The following TOP1 variants were observed in gnomAD, a reference collection of about 807,000 sequenced individuals.
The protein encoded by TOP1 is DNA topoisomerase 1.
A neutral mutation model predicts 111.1 loss-of-function variants in TOP1; 10 were observed. The observed-to-expected ratio is 0.09, with a 90% confidence interval of 0.06 to 0.15. The LOEUF (loss-of-function observed/expected upper bound fraction) is 0.15. Ranked by LOEUF, TOP1 falls within the 10% of genes least tolerant of loss-of-function variation. The pLI is 1.00. For synonymous variants in TOP1, 271 were observed against 302.9 expected (o/e 0.89, Z 1.10); for missense variants, 474 against 926.7 (o/e 0.51, Z 6.34).
At chr20:41,064,836 T>C (rs1487692726) in intron 3 of TOP1, among the ~76,000 whole-genome samples, 1 of 152,076 alleles carries the variant, frequency 6.6e-6, no homozygotes, top group Admixed American at 6.5e-5. Flanking sequence ...GACTCTAAAG[T>C]CCCTGAAAGC....
At chr20:41,044,230 C>A (rs1161733006) in intron 2 of TOP1, among the ~76,000 whole-genome samples, 1 of 152,130 alleles carries the variant, frequency 6.6e-6, no homozygotes, top group Non-Finnish European at 1.5e-5. Flanking sequence ...GAGCCAAGAT[C>A]ATGCCATTGC....
At chr20:41,072,433 A>G in intron 3 of TOP1, 2 of 985,394 alleles carry the variant, frequency 2.0e-6, no homozygotes, top group Non-Finnish European at 2.4e-6. Context: ...AAAAAGACAT[A>G]CATGTTAGAA....
At chr20:41,044,899 G>A (rs185509252) in intron 2 of TOP1, among the ~76,000 whole-genome samples, 12 of 152,054 alleles carry the variant, frequency 7.9e-5, no homozygotes, top group African/African-American at 1.9e-4. Context: ...CAGGTGATTC[G>A]ACCCTCAGCC....
rs986496045 is a variant in TOP1 at position 41,115,854 on chromosome 20, T to C, written c.1707+415T>C. Among the ~76,000 whole-genome samples the C allele has an allele frequency of 6.6e-6, 1 of 152,154 alleles. No individual in the cohort carries two copies. The highest frequency in any genetic ancestry group is 2.4e-5 in the African/African-American group (1 of 41,434). ...TGGCTTACGCCTGTTATCCCAGCAC[T>C]TTGAGAGGTCAAGTAGGGCAGATCC... On this transcript the variant is annotated intron_variant, in intron 16 of 20. Transcript: ENST00000361337. This position sits in a 1 kb window ranked among gnomAD's most constrained non-coding sequence, Gnocchi z 6.3.
intron 2 of TOP1, among the ~76,000 whole-genome samples, chr20:41,041,769 A>G (rs2033268298): frequency 6.6e-6 from 1 of 152,216 alleles, no homozygotes; most frequent in Non-Finnish European, 1.5e-5. Flanking sequence ...CAGGTGACCC[A>G]TAACCTCCTT....
intron 2 of TOP1, among the ~76,000 whole-genome samples, chr20:41,035,699 T>C (rs997932545): frequency 3.3e-5 from 5 of 152,116 alleles, no homozygotes; most frequent in African/African-American, 1.2e-4. Context: ...GCTATTGGAG[T>C]TTATAGAAAA....
Position 41,029,795 on chromosome 20 carries a change from C to T in TOP1, c.58+340C>T. 2.6e-6 allele frequency: 1 copy of T among 390,206 alleles called. No individual in the cohort carries two copies. Among genetic ancestry groups the T allele is most frequent in the Non-Finnish European group, 4.7e-6 (1 of 210,706 alleles). The allele number at this position is 390,206 out of a possible 1,614,324, so 24.2% of individuals were successfully genotyped here. On this transcript the variant is annotated intron_variant, in intron 2 of 20. Coordinates refer to ENST00000361337, the MANE Select transcript of TOP1 (RefSeq NM_003286.4). The surrounding 1 kb of genome is among the most constrained non-coding windows in gnomAD (Gnocchi z 6.1). ...GCGCCATTTTCTTTTTCTCTCTCCT[C>T]TCCTTTCTGTGCCTGTGTCTCTTTC...
At chr20:41,056,578 C>T (rs1424859355) in intron 2 of TOP1, among the ~76,000 whole-genome samples, 1 of 152,094 alleles carries the variant, frequency 6.6e-6, no homozygotes, top group African/African-American at 2.4e-5. Flanking sequence ...AACTCCTGTG[C>T]CCAAGCAGTC....
Position 41,124,236 on chromosome 20 carries a change from A to G in TOP1, c.*939A>G. ...TGAGTATTTGGTCCAAAAAAAGGAA[A>G]AATAATCAAGATTTTAGGGCTTTTA... On this transcript the variant is annotated 3_prime_UTR_variant, in exon 21 of 21. Transcript: ENST00000361337. This position sits in a 1 kb window ranked among gnomAD's most constrained non-coding sequence, Gnocchi z 5.4. 4.3e-6 allele frequency: 1 copy of G among 233,082 alleles called. No homozygotes were observed. The highest frequency in any genetic ancestry group is 6.1e-5 in the East Asian group (1 of 16,402). The allele number at this position is 233,082 out of a possible 1,614,324, so 14.4% of individuals were successfully genotyped here. A position where few individuals can be genotyped will look rare whatever the true frequency, so the allele number is the denominator to read the frequency against.
chr20:41,118,412 T>C lies in TOP1; in HGVS notation c.1950+116T>C. On this transcript the variant is annotated intron_variant, in intron 18 of 20. Transcript: ENST00000361337. The surrounding 1 kb of genome is among the most constrained non-coding windows in gnomAD (Gnocchi z 4.6). ...TGCTGGGTCTGTTGTAGAAGGTCTA[T>C]GCTAAAGATAAACAAATGGAAATAT... The C allele has an allele frequency of 8.3e-7, 1 of 1,198,490 alleles. No individual in the cohort carries two copies. The highest frequency in any genetic ancestry group is 1.6e-5 in the South Asian group (1 of 62,828). 74.2% of individuals were successfully genotyped at this position (1,198,490 alleles called of 1,614,324 possible).
At position 41,112,410 on chromosome 20, in the gene TOP1, T is replaced by C. The variant is rs1206323553; in HGVS notation, c.1309-372T>C. 2.6e-5 allele frequency among the ~76,000 whole-genome samples: 4 copies of C among 152,220 alleles called. No individual in the cohort carries two copies. In the South Asian group the frequency reaches 6.2e-4, roughly 24 times the overall value. The stretch of plus-strand genomic sequence containing the variant: ...CAGGAACATAAACATTTTAGAGAAT[T>C]AGAGCTAGAAACTTTCTTCTGGGAA... On this transcript the variant is annotated intron_variant, in intron 13 of 20. Coordinates refer to ENST00000361337, the MANE Select transcript of TOP1 (RefSeq NM_003286.4). This position sits in a 1 kb window ranked among gnomAD's most constrained non-coding sequence, Gnocchi z 5.8.
intron 18 of TOP1, among the ~76,000 whole-genome samples, chr20:41,119,660 T>G (rs1385641554): frequency 6.6e-6 from 1 of 152,230 alleles, no homozygotes; most frequent in East Asian, 1.9e-4. Context: ...TATAGCTGGT[T>G]CAAAAGGTAC....
chr20:41,061,837 A>G lies in TOP1; in HGVS notation c.155+347A>G, dbSNP rs1461821088. ...TTGATAAAAGGTAACTGGATTGGAG[A>G]CCTGATTTTTTTTCTTCTTTCTATA... On this transcript the variant is annotated intron_variant, in intron 3 of 20. Transcript: ENST00000361337. The surrounding 1 kb of genome is among the most constrained non-coding windows in gnomAD (Gnocchi z 4.6). Among the ~76,000 whole-genome samples, 3 of 152,164 alleles carry G rather than the reference A, an allele frequency of 2.0e-5. No homozygotes were observed. The highest frequency in any genetic ancestry group is 4.4e-5 in the Non-Finnish European group (3 of 68,026).
rs922640137 is a variant in TOP1 at position 41,030,244 on chromosome 20, T to C, written c.58+789T>C. ...TTATGTTAGTCACTGGAACTTTTCATTGTGGTCGAGGTTCCCAATGCAGTG... is the reference window on the plus strand; with the variant it reads ...TTATGTTAGTCACTGGAACTTTTCACTGTGGTCGAGGTTCCCAATGCAGTG... On this transcript the variant is annotated intron_variant, in intron 2 of 20. Transcript: ENST00000361337. The surrounding 1 kb of genome is among the most constrained non-coding windows in gnomAD (Gnocchi z 4.1). 1.3e-5 allele frequency among the ~76,000 whole-genome samples: 2 copies of C among 152,240 alleles called. No homozygotes were observed. Among genetic ancestry groups the C allele is most frequent in the Admixed American group, 1.3e-4 (2 of 15,290 alleles).
In TOP1 at chr20:41,037,233, T is replaced by A. The variant is rs115976684; in HGVS notation, c.58+7778T>A. 7.8e-3 allele frequency among the ~76,000 whole-genome samples: 1,193 copies of A among 152,336 alleles called. 11 individuals carry two copies. The highest frequency in any genetic ancestry group is 0.027 in the African/African-American group (1,130 of 41,570). Reference sequence around the variant, plus strand: ...CAGAAATGAAAGAAGTCTATTGATGTGACTAATTTCTCAACCATTTAATAG... The same window carrying A: ...CAGAAATGAAAGAAGTCTATTGATGAGACTAATTTCTCAACCATTTAATAG... On this transcript the variant is annotated intron_variant, in intron 2 of 20. Transcript: ENST00000361337.
intron 2 of TOP1, among the ~76,000 whole-genome samples, chr20:41,039,593 A>G (rs2033234467): frequency 6.6e-6 from 1 of 152,108 alleles, no homozygotes; most frequent in African/African-American, 2.4e-5. Context: ...TCAGACATCC[A>G]TGTTGCATGA....
At chr20:41,063,623 T>C (rs967064054) in intron 3 of TOP1, among the ~76,000 whole-genome samples, 2 of 152,248 alleles carry the variant, frequency 1.3e-5, no homozygotes, top group Non-Finnish European at 2.9e-5. Context: ...TGATTTTTAA[T>C]AGCCATTGTG....
Position 41,101,129 on chromosome 20 carries a change from G to C in TOP1, c.1164-80G>C. 6.7e-7 allele frequency: 1 copy of C among 1,494,776 alleles called. No homozygotes were observed. Among genetic ancestry groups the C allele is most frequent in the South Asian group, 1.2e-5 (1 of 84,880 alleles). 92.6% of individuals were successfully genotyped at this position (1,494,776 alleles called of 1,614,324 possible). On this transcript the variant is annotated intron_variant, in intron 12 of 20. Coordinates refer to ENST00000361337, the MANE Select transcript of TOP1 (RefSeq NM_003286.4). This position sits in a 1 kb window ranked among gnomAD's most constrained non-coding sequence, Gnocchi z 4.1. Reference sequence around the variant, plus strand: ...GAAACTTGGAAAATTATGCTCAGCAGATAGGTCCACTTGGGGTCATGAAAG... The same window carrying C: ...GAAACTTGGAAAATTATGCTCAGCACATAGGTCCACTTGGGGTCATGAAAG...
chr20:41,036,950 C>A (rs1438675602), intron 2 of TOP1, among the ~76,000 whole-genome samples: 2 of 150,514 alleles, frequency 1.3e-5, no homozygotes, highest in Non-Finnish European at 2.9e-5. Flanking sequence ...CCTGCCTTAG[C>A]CTCCTAAGTT....
Sources: allele counts gnomAD v4.1 joint callset (sites outside exome capture counted in the v4.1 genomes callset), GRCh38; gene constraint gnomAD v4.1.1; non-coding constraint Gnocchi (gnomAD v3.1); transcripts MANE v1.5; gene names NCBI Gene and HGNC (gene_info 2026-07-23, HGNC 2026-07-21).